The following CAV3 variants were observed in gnomAD, a reference collection of about 807,000 sequenced individuals.
CAV3 encodes the protein caveolin-3.
A neutral mutation model predicts 13.4 loss-of-function variants in CAV3; 10 were observed. The ratio of observed to expected loss-of-function variants is 0.75; its 90% CI spans 0.46 to 1.27. The LOEUF (loss-of-function observed/expected upper bound fraction) is 1.27. CAV3 is among the 50% of genes most tolerant of loss of function. The pLI, the probability that CAV3 is intolerant of heterozygous loss-of-function variation, is 0.00. For missense variants in CAV3, 162 were observed against 194.0 expected, an observed-to-expected ratio of 0.83 and a Z score of 0.98; for synonymous variants, 90 against 79.0, an observed-to-expected ratio of 1.14 and a Z score of -0.74.
rs897192998 is a variant in CAV3, at chr3:8,746,313, T to C, written c.*446T>C. 3 of 166,100 alleles carry C rather than the reference T, an allele frequency of 1.8e-5. No individual in the cohort carries two copies. The highest frequency in any genetic ancestry group is 7.2e-5 in the African/African-American group (3 of 41,948). 10.3% of individuals were successfully genotyped at this position (166,100 alleles called of 1,614,324 possible). On this transcript the variant is annotated 3_prime_UTR_variant, in exon 2 of 2. Transcript: ENST00000343849. Reference sequence around the variant, plus strand: ...CTGCATTTTGTTCGTGCCTGTAAGATTGGTTTGTGTCCTGACCAGCTCCAA... The same window carrying C: ...CTGCATTTTGTTCGTGCCTGTAAGACTGGTTTGTGTCCTGACCAGCTCCAA...
rs147250678 is a variant in CAV3, at chr3:8,745,828, C to A, written c.417C>A (p.Val139=). 6.2e-7 allele frequency: 1 copy of A among 1,613,698 alleles called. No homozygotes were observed. The change falls in exon 2 of 2, where the codon GTC becomes GTA. Residue 139 remains valine (V), a synonymous_variant. Coordinates refer to ENST00000343849, the MANE Select transcript of CAV3 (RefSeq NM_033337.3). The surrounding 1 kb of genome is among the most constrained non-coding windows in gnomAD (Gnocchi z 4.8). ...CACTCTTCGCGGCCCTGGGCCAGGT[C>A]TGCAGCAGCATCAAGGTGGTGCTGC... ...CNPLFAALGQ[V]CSSIKVVLRK...
Position 8,746,169 on chromosome 3 carries a change from A to G in CAV3, c.*302A>G. On this transcript the variant is annotated 3_prime_UTR_variant, in exon 2 of 2. Transcript: ENST00000343849. Reference sequence around the variant, plus strand: ...GTTCACTTGTACTGTAACAACATAAACCAGCACGCGGTTCCCACCCGGGGC... The same window carrying G: ...GTTCACTTGTACTGTAACAACATAAGCCAGCACGCGGTTCCCACCCGGGGC... 1 of 306,908 alleles carries G rather than the reference A, an allele frequency of 3.3e-6. No homozygotes were observed. Among genetic ancestry groups the G allele is most frequent in the Non-Finnish European group, 6.1e-6 (1 of 162,788 alleles). 19.0% of individuals were successfully genotyped at this position (306,908 alleles called of 1,614,324 possible).
At chr3:8,736,937 T>C (rs1474691138) in intron 1 of CAV3, among the ~76,000 whole-genome samples, 1 of 152,144 alleles carries the variant, frequency 6.6e-6, no homozygotes, top group Non-Finnish European at 1.5e-5. Flanking sequence ...CAGATATAGA[T>C]CACAAACAGG....
At chr3:8,744,926 C>G (rs551687476) in intron 1 of CAV3, 1 of 153,290 alleles carries the variant, frequency 6.5e-6, no homozygotes, top group Non-Finnish European at 1.5e-5. Context: ...CAACAGGGAG[C>G]TTGTTAGAAA....
At chr3:8,740,758 C>A (rs1330498540) in intron 1 of CAV3, among the ~76,000 whole-genome samples, 1 of 152,180 alleles carries the variant, frequency 6.6e-6, no homozygotes, top group Non-Finnish European at 1.5e-5. Context: ...TCCTAGAGCA[C>A]CCTCCTGAAG....
In CAV3 at chr3:8,745,708, C is replaced by T. The variant is rs377495315; in HGVS notation, c.297C>T (p.His99=). Residue 99 remains histidine (H), a synonymous_variant, in exon 2 of 2, where the codon CAC becomes CAT. Coordinates refer to ENST00000343849, the MANE Select transcript of CAV3 (RefSeq NM_033337.3). This position sits in a 1 kb window ranked among gnomAD's most constrained non-coding sequence, Gnocchi z 4.8. ...TGTTCGCCTGCATCTCCTTCTGCCA[C>T]ATCTGGGCGGTGGTGCCATGCATTA... ...GFLFACISFC[H]IWAVVPCIKS... is the part of the protein sequence containing the mutation. 6 of 1,614,214 alleles carry T rather than the reference C, an allele frequency of 3.7e-6. No homozygotes were observed. Among genetic ancestry groups the T allele is most frequent in the Middle Eastern group, 3.3e-4 (2 of 6,062 alleles).
intron 1 of CAV3, among the ~76,000 whole-genome samples, chr3:8,741,167 G>A (rs1707945211): frequency 6.6e-6 from 1 of 152,172 alleles, no homozygotes; most frequent in South Asian, 2.1e-4. Context: ...AAAACTGAGT[G>A]AAGGACCAGT....
rs1375471365 is a variant in CAV3, at chr3:8,745,251, G to T, written c.115-275G>T. 6.6e-6 allele frequency among the ~76,000 whole-genome samples: 1 copy of T among 152,116 alleles called. No homozygotes were observed. Among genetic ancestry groups the T allele is most frequent in the Admixed American group, 6.5e-5 (1 of 15,270 alleles). The stretch of plus-strand genomic sequence containing the variant: ...CTCCCTTCTCTAGCCATGGTTGAAA[G>T]CTCCCTGCGGCCTCACCTGAAGCCA... On this transcript the variant is annotated intron_variant, in intron 1 of 1. Transcript: ENST00000343849. This position sits in a 1 kb window ranked among gnomAD's most constrained non-coding sequence, Gnocchi z 4.8.
chr3:8,740,278 C>T (rs1467598372), intron 1 of CAV3, among the ~76,000 whole-genome samples: 1 of 151,980 alleles, frequency 6.6e-6, no homozygotes, highest in African/African-American at 2.4e-5. Flanking sequence ...CAGGGCAAGC[C>T]CAGACTCAAG....
At position 8,745,644 on chromosome 3, in the gene CAV3, C is replaced by T. The variant is rs72546668; in HGVS notation, c.233C>T (p.Thr78Met). Residue 78 changes from threonine (T) to methionine (M), a missense_variant, in exon 2 of 2, where the codon ACG becomes ATG. Transcript: ENST00000343849. This position sits in a 1 kb window ranked among gnomAD's most constrained non-coding sequence, Gnocchi z 4.8. The stretch of plus-strand genomic sequence containing the variant: ...TACTGGTGCTACCGTCTGTTGTCCA[C>T]GCTGCTGGGCGTCCCACTGGCCCTG... ...SKYWCYRLLS[T>M]LLGVPLALLW... The T allele has an allele frequency of 2.5e-3, 4,018 of 1,614,100 alleles. 8 individuals are homozygous for T. Among genetic ancestry groups the T allele is most frequent in the Middle Eastern group, 8.4e-3 (51 of 6,062 alleles).
intron 1 of CAV3, among the ~76,000 whole-genome samples, chr3:8,740,801 C>T (rs1707931776): frequency 6.6e-6 from 1 of 152,230 alleles, no homozygotes; most frequent in African/African-American, 2.4e-5. Flanking sequence ...CTCCAAGCTC[C>T]AGATGATGCC....
At position 8,745,864 on chromosome 3, in the gene CAV3, C is replaced by A; in HGVS notation, c.453C>A (p.Val151=). The A allele has an allele frequency of 6.2e-7, 1 of 1,609,652 alleles. No individual in the cohort carries two copies. The highest frequency in any genetic ancestry group is 1.1e-5 in the South Asian group (1 of 90,994). Residue 151 remains valine (V), a synonymous_variant, in exon 2 of 2, where the codon GTC becomes GTA. Transcript: ENST00000343849. The surrounding 1 kb of genome is among the most constrained non-coding windows in gnomAD (Gnocchi z 4.8). ...SSIKVVLRKE[V] ...TCAAGGTGGTGCTGCGGAAGGAGGT[C>A]TAAAGCCAGGTGGGGCAACAGCGGT...
rs558996420 is a variant in CAV3 at position 8,746,734 on chromosome 3, A to G, written c.*867A>G. ...TAATTTGTGCGTGTGTGGACTCACTATGGAAATAAAATGCAGTAGAAAGAG... is the reference window on the plus strand; with the variant it reads ...TAATTTGTGCGTGTGTGGACTCACTGTGGAAATAAAATGCAGTAGAAAGAG... On this transcript the variant is annotated 3_prime_UTR_variant, in exon 2 of 2. Transcript: ENST00000343849. 5.9e-5 allele frequency: 9 copies of G among 152,112 alleles called. No homozygotes were observed. Among genetic ancestry groups the G allele is most frequent in the African/African-American group, 2.2e-4 (9 of 41,402 alleles). 9.4% of individuals were successfully genotyped at this position (152,112 alleles called of 1,614,324 possible). A position where few individuals can be genotyped will look rare whatever the true frequency, so the allele number is the denominator to read the frequency against.
Position 8,745,825 on chromosome 3 carries a change from G to C in CAV3, c.414G>C (p.Gln138His), listed in dbSNP as rs1237510370. The C allele has an allele frequency of 6.2e-7, 1 of 1,613,750 alleles. No individual in the cohort carries two copies. The highest frequency in any genetic ancestry group is 1.7e-5 in the Admixed American group (1 of 60,036). The change falls in exon 2 of 2, where the codon CAG (glutamine) becomes CAC (histidine). Residue 138 changes from glutamine to histidine, a missense_variant. Physicochemically the swap from Gln to His is conservative, Grantham distance 24. Coordinates refer to ENST00000343849, the MANE Select transcript of CAV3 (RefSeq NM_033337.3). This position sits in a 1 kb window ranked among gnomAD's most constrained non-coding sequence, Gnocchi z 4.8. ...ACCCACTCTTCGCGGCCCTGGGCCA[G>C]GTCTGCAGCAGCATCAAGGTGGTGC... ...FCNPLFAALG[Q>H]VCSSIKVVLR... is the part of the protein sequence containing the mutation.
Position 8,745,214 on chromosome 3 carries a change from G to C in CAV3, c.115-312G>C, listed in dbSNP as rs532531003. On this transcript the variant is annotated intron_variant, in intron 1 of 1. Transcript: ENST00000343849. This position sits in a 1 kb window ranked among gnomAD's most constrained non-coding sequence, Gnocchi z 4.8. ...TCTCTTGCTCCCACTCTCACCAGGG[G>C]AGACGCCTGCTCTCCCTTCTCTAGC... Among the ~76,000 whole-genome samples, 1 of 152,174 alleles carries C rather than the reference G, an allele frequency of 6.6e-6. No homozygotes were observed. Among genetic ancestry groups the C allele is most frequent in the Admixed American group, 6.5e-5 (1 of 15,282 alleles).
chr3:8,745,861 G>A lies in CAV3; in HGVS notation c.450G>A (p.Glu150=), dbSNP rs2124988852. Residue 150 remains glutamate (E), a synonymous_variant, in exon 2 of 2, where the codon GAG becomes GAA. Coordinates refer to ENST00000343849, the MANE Select transcript of CAV3 (RefSeq NM_033337.3). The surrounding 1 kb of genome is among the most constrained non-coding windows in gnomAD (Gnocchi z 4.8). ...GCATCAAGGTGGTGCTGCGGAAGGA[G>A]GTCTAAAGCCAGGTGGGGCAACAGC... is the stretch of plus-strand genomic sequence containing the variant. The part of the protein sequence containing the change: ...CSSIKVVLRK[E]V 1.2e-6 allele frequency: 2 copies of A among 1,610,372 alleles called. No homozygotes were observed. Among genetic ancestry groups the A allele is most frequent in the Non-Finnish European group, 8.5e-7 (1 of 1,178,258 alleles).
intron 1 of CAV3, among the ~76,000 whole-genome samples, chr3:8,739,459 CAAA>C (rs35943957): frequency 6.9e-6 from 1 of 144,070 alleles, no homozygotes; most frequent in Admixed American, 6.8e-5. Context: ...ACTAAAAATA[CAAA>C]AAAAAAAAAG....
intron 1 of CAV3, chr3:8,742,467 G>A (rs1417429677): frequency 4.4e-6 from 2 of 456,544 alleles, no homozygotes; most frequent in Admixed American, 2.3e-5. Context: ...ACTACTGTAA[G>A]GAAAGGAGGA....
chr3:8,745,687 C>T lies in CAV3; in HGVS notation c.276C>T (p.Phe92=), dbSNP rs72546669. ...VPLALLWGFL[F]ACISFCHIWA... ...TGGCCCTGCTCTGGGGCTTCCTGTT[C>T]GCCTGCATCTCCTTCTGCCACATCT... Residue 92 remains phenylalanine (F), a synonymous_variant, in exon 2 of 2, where the codon TTC becomes TTT. Transcript: ENST00000343849. This position sits in a 1 kb window ranked among gnomAD's most constrained non-coding sequence, Gnocchi z 4.8. 1,147 of 1,614,168 alleles carry T rather than the reference C, an allele frequency of 7.1e-4. 4 individuals are homozygous for T. Among genetic ancestry groups the T allele is most frequent in the Non-Finnish European group, 8.8e-4 (1,033 of 1,180,034 alleles).
Sources: gnomAD v4.1 joint callset for allele counts (sites outside exome capture counted in the v4.1 genomes callset) on GRCh38, gnomAD v4.1.1 for gene constraint, Gnocchi (gnomAD v3.1) non-coding constraint, MANE v1.5 for transcripts, NCBI Gene and HGNC (gene_info 2026-07-23, HGNC 2026-07-21) for gene names.